The following IL12RB2 variants were observed in gnomAD, a reference collection of about 807,000 sequenced individuals.
IL12RB2 encodes interleukin-12 receptor subunit beta-2.
A neutral mutation model predicts 89.4 loss-of-function variants in IL12RB2; 82 were observed. That is an observed-to-expected ratio of 0.92 (90% CI 0.77 to 1.10). IL12RB2 has a LOEUF of 1.10. Ranked by LOEUF, IL12RB2 falls within the 50% of genes least tolerant of loss-of-function variation. The pLI, the probability that IL12RB2 is intolerant of heterozygous loss-of-function variation, is 0.00. For missense variants in IL12RB2, 963 were observed against 1,031.9 expected, an observed-to-expected ratio of 0.93 and a Z score of 0.92; for synonymous variants, 368 against 370.1, an observed-to-expected ratio of 0.99 and a Z score of 0.07.
intron 10 of IL12RB2, among the ~76,000 whole-genome samples, chr1:67,361,429 C>T (rs1056205112): frequency 6.6e-6 from 1 of 152,080 alleles, no homozygotes; most frequent in East Asian, 1.9e-4. Context: ...CTGCAAAAAC[C>T]GATGGACAGG....
intron 10 of IL12RB2, among the ~76,000 whole-genome samples, chr1:67,351,741 G>A (rs17129852): frequency 0.025 from 3,837 of 152,172 alleles, 138 homozygotes; most frequent in African/African-American, 0.088. Context: ...GTTTAGACAC[G>A]TATCCAATTA....
At chr1:67,385,097 T>G (rs1664998131) in intron 14 of IL12RB2, among the ~76,000 whole-genome samples, 1 of 152,178 alleles carries the variant, frequency 6.6e-6, no homozygotes, top group Non-Finnish European at 1.5e-5. Flanking sequence ...CACCCCACTC[T>G]CTATGGTACC....
intron 9 of IL12RB2, among the ~76,000 whole-genome samples, chr1:67,340,451 G>A (rs2100759421): frequency 6.6e-6 from 1 of 152,326 alleles, no homozygotes; most frequent in Admixed American, 6.5e-5. Context: ...ACAGTGATCT[G>A]GAAAGATATG....
chr1:67,391,267 T>G (rs544304826), intron 16 of IL12RB2, among the ~76,000 whole-genome samples: 1 of 151,810 alleles, frequency 6.6e-6, no homozygotes, highest in Non-Finnish European at 1.5e-5. Context: ...ATCATTCACT[T>G]TCTTCCCAAG....
At chr1:67,314,648 A>G (rs527891864) in intron 2 of IL12RB2, among the ~76,000 whole-genome samples, 4 of 152,208 alleles carry the variant, frequency 2.6e-5, no homozygotes, top group African/African-American at 7.2e-5. Context: ...TTCTGCCAAC[A>G]TGAGATTATC....
chr1:67,390,455 C>CTTTTTTTTTTT (rs67532605), intron 16 of IL12RB2, among the ~76,000 whole-genome samples: 1 of 107,522 alleles, frequency 9.3e-6, no homozygotes, highest in Non-Finnish European at 1.8e-5. Context: ...GCAAACTTTC[C>CTTTTTTTTTTT]TTTTTTTTTT....
chr1:67,315,443 T>C (rs1481095330), intron 2 of IL12RB2, among the ~76,000 whole-genome samples: 1 of 152,222 alleles, frequency 6.6e-6, no homozygotes, highest in African/African-American at 2.4e-5. Context: ...CATTCAGTTA[T>C]CTTCCAGTTC....
At chr1:67,346,378 ATTTTT>A (rs10577525) in intron 9 of IL12RB2, among the ~76,000 whole-genome samples, 978 of 93,810 alleles carry the variant, frequency 0.01, 23 homozygotes, top group African/African-American at 0.049. Context: ...AGGGTTGTCT[ATTTTT>A]TTTTTTTTTT....
rs17129878 is a variant in IL12RB2, at chr1:67,367,079, C to A, written c.1259-746C>A. ...TAATATATTCACAAAGATTAGGCAC[C>A]TTTGAGGCTATAGAAATGGAAAAAG... On this transcript the variant is annotated intron_variant, in intron 10 of 16. Transcript: ENST00000674203. Among the ~76,000 whole-genome samples, 407 of 152,092 alleles carry A rather than the reference C, an allele frequency of 2.7e-3. 2 individuals carry two copies. Among genetic ancestry groups the A allele is most frequent in the African/African-American group, 9.4e-3 (392 of 41,504 alleles).
chr1:67,310,795 G>T (rs568455766), intron 1 of IL12RB2, among the ~76,000 whole-genome samples: 1 of 152,264 alleles, frequency 6.6e-6, no homozygotes, highest in South Asian at 2.1e-4. Context: ...TGCGATCTTG[G>T]CTCACTGCAA....
intron 8 of IL12RB2, among the ~76,000 whole-genome samples, chr1:67,338,401 T>A (rs1476259256): frequency 1.4e-5 from 2 of 143,442 alleles, no homozygotes; most frequent in African/African-American, 5.0e-5. Flanking sequence ...TTCCTCATCA[T>A]TTTTTTTTAA....
intron 1 of IL12RB2, among the ~76,000 whole-genome samples, chr1:67,310,438 C>T (rs1327593592): frequency 6.6e-6 from 1 of 152,096 alleles, no homozygotes; most frequent in Non-Finnish European, 1.5e-5. Flanking sequence ...TTTGAGAATA[C>T]TTAATATGTC....
chr1:67,338,199 C>T (rs1423240057), intron 8 of IL12RB2, among the ~76,000 whole-genome samples: 1 of 151,348 alleles, frequency 6.6e-6, no homozygotes, highest in Admixed American at 6.6e-5. Context: ...CGTGGTGGTA[C>T]GCACCTGTAG....
rs2100358254 is a variant in IL12RB2 at position 67,395,728 on chromosome 1, T to A, written c.2228T>A (p.Met743Lys). Reference sequence around the variant, plus strand: ...GGTCATCAGGCCTCTGAGAAAGACATGATGCACAGTGCCTCAAGCCCACCA... The same window carrying A: ...GGTCATCAGGCCTCTGAGAAAGACAAGATGCACAGTGCCTCAAGCCCACCA... ...IQGHQASEKD[M>K]MHSASSPPPP... is the part of the protein sequence containing the mutation. The change falls in exon 17 of 17, where the codon ATG becomes AAG. Residue 743 changes from methionine to lysine, a missense_variant. Transcript: ENST00000674203. 1.2e-6 allele frequency: 2 copies of A among 1,614,114 alleles called. No individual in the cohort carries two copies. The highest frequency in any genetic ancestry group is 1.7e-6 in the Non-Finnish European group (2 of 1,179,966).
At chr1:67,337,071 C>T (rs1018999693) in intron 8 of IL12RB2, among the ~76,000 whole-genome samples, 4 of 152,190 alleles carry the variant, frequency 2.6e-5, no homozygotes, top group African/African-American at 9.7e-5. Flanking sequence ...GGCTCTGAAG[C>T]TCACACTGAC....
At chr1:67,387,082 C>A (rs959088983) in intron 15 of IL12RB2, among the ~76,000 whole-genome samples, 4 of 151,238 alleles carry the variant, frequency 2.6e-5, no homozygotes, top group Non-Finnish European at 5.9e-5. Context: ...GTGCCCACCA[C>A]CATGCCCAGA....
chr1:67,353,785 G>A (rs1163020538), intron 10 of IL12RB2, among the ~76,000 whole-genome samples: 3 of 152,110 alleles, frequency 2.0e-5, no homozygotes, highest in Non-Finnish European at 4.4e-5. Context: ...AGTGAATTCT[G>A]TGGTTCTATT....
intron 14 of IL12RB2, among the ~76,000 whole-genome samples, chr1:67,381,453 C>A (rs1292675584): frequency 6.6e-6 from 1 of 152,140 alleles, no homozygotes; most frequent in Non-Finnish European, 1.5e-5. Context: ...CTTCTTATCT[C>A]CCCAGCACTC....
chr1:67,354,180 T>C (rs1661134535), intron 10 of IL12RB2, among the ~76,000 whole-genome samples: 2 of 151,972 alleles, frequency 1.3e-5, no homozygotes, highest in South Asian at 2.1e-4. Flanking sequence ...AAGCATGAGC[T>C]TGGAGAGGAG....
Sources: allele counts gnomAD v4.1 joint callset (sites outside exome capture counted in the v4.1 genomes callset), GRCh38; gene constraint gnomAD v4.1.1; transcripts MANE v1.5; gene names NCBI Gene and HGNC (gene_info 2026-07-23, HGNC 2026-07-21).